The following ZBBX variants were observed in gnomAD, a reference collection of about 807,000 sequenced individuals.
The protein encoded by ZBBX is zinc finger B-box domain containing.
A neutral mutation model predicts 108.5 loss-of-function variants in ZBBX; 101 were observed. The observed-to-expected ratio is 0.93, with a 90% CI of 0.79 to 1.10. ZBBX has a LOEUF of 1.10. Ranked by LOEUF, ZBBX falls within the 50% of genes least tolerant of loss-of-function variation. The pLI is 0.00. For synonymous variants in ZBBX, 356 were observed against 323.4 expected, an observed-to-expected ratio of 1.10 and a Z score of -1.08; for missense variants, 1,009 against 941.4, an observed-to-expected ratio of 1.07 and a Z score of -0.94.
At chr3:167,356,588 G>A (rs1270387083) in intron 8 of ZBBX, among the ~76,000 whole-genome samples, 1 of 152,102 alleles carries the variant, frequency 6.6e-6, no homozygotes. Flanking sequence ...TGATGCTGCA[G>A]TACCTTCAAT....
At chr3:167,202,532 G>T in the ZBBX span, among the ~76,000 whole-genome samples, 1 of 152,054 alleles carries the variant, frequency 6.6e-6, no homozygotes, top group Non-Finnish European at 1.5e-5. Context: ...AAACTAGTAA[G>T]TTTCTGCTAG....
chr3:167,199,616 A>AT, the ZBBX span, among the ~76,000 whole-genome samples: 2 of 152,148 alleles, frequency 1.3e-5, no homozygotes, highest in Non-Finnish European at 2.9e-5. Flanking sequence ...AGACCAGTGG[A>AT]TTTTTGTTTA....
At position 167,300,696 on chromosome 3, in the gene ZBBX, G is replaced by A. The variant is rs532156402; in HGVS notation, c.1726-2238C>T. 7.4e-4 allele frequency among the ~76,000 whole-genome samples: 107 copies of A among 145,396 alleles called. No individual in the cohort carries two copies. In the South Asian group the frequency reaches 0.012, roughly 17 times the overall value. Reference sequence around the variant, plus strand: ...GCGACCTCAGCTCACTATAACCTCCGCCTCCCGGGTTCAATCGATTCTCCT... The same window carrying A: ...GCGACCTCAGCTCACTATAACCTCCACCTCCCGGGTTCAATCGATTCTCCT... On this transcript the variant is annotated intron_variant, in intron 17 of 21. Coordinates refer to ENST00000675490, the MANE Select transcript of ZBBX (RefSeq NM_001199201.2).
At chr3:167,206,258 T>C in the ZBBX span, among the ~76,000 whole-genome samples, 2 of 152,214 alleles carry the variant, frequency 1.3e-5, no homozygotes, top group Admixed American at 1.3e-4. Context: ...GTCTGGATTA[T>C]ATCAGTTAGC....
chr3:167,350,241 C>A lies in ZBBX; in HGVS notation c.528+179G>T, dbSNP rs533256286. Among the ~76,000 whole-genome samples, 8 of 151,978 alleles carry A rather than the reference C, an allele frequency of 5.3e-5. No individual in the cohort carries two copies. In the East Asian group the frequency reaches 1.4e-3, roughly 26 times the overall value. On this transcript the variant is annotated intron_variant, in intron 9 of 21. Coordinates refer to ENST00000675490, the MANE Select transcript of ZBBX (RefSeq NM_001199201.2). ...AACAGTTTAAATAGTAAAATAGAGT[C>A]TAGATTAGTATTCAATAAAATAATT... is the stretch of plus-strand genomic sequence containing the variant.
At chr3:167,313,595 A>G (rs959706162) in intron 16 of ZBBX, among the ~76,000 whole-genome samples, 2 of 151,956 alleles carry the variant, frequency 1.3e-5, no homozygotes, top group Non-Finnish European at 2.9e-5. Flanking sequence ...GATTTGTTTT[A>G]TTTTGGTTCA....
chr3:167,243,933 C>T (rs755314018), intron 20 of ZBBX, among the ~76,000 whole-genome samples: 9 of 151,878 alleles, frequency 5.9e-5, no homozygotes, highest in Non-Finnish European at 1.0e-4. Context: ...TGCATGGGTA[C>T]GTTCAATAAG....
intron 11 of ZBBX, among the ~76,000 whole-genome samples, chr3:167,326,451 T>C (rs764881653): frequency 5.3e-5 from 8 of 152,164 alleles, no homozygotes; most frequent in Non-Finnish European, 1.0e-4. Context: ...TAAGCATTCA[T>C]TATTTTATCA....
At chr3:167,188,471 A>G in the ZBBX span, among the ~76,000 whole-genome samples, 1 of 152,288 alleles carries the variant, frequency 6.6e-6, no homozygotes, top group East Asian at 1.9e-4. Context: ...ATAGGCTATG[A>G]TGTCTAAAAT....
At chr3:167,296,371 A>G (rs1057211946) in intron 18 of ZBBX, among the ~76,000 whole-genome samples, 1 of 152,078 alleles carries the variant, frequency 6.6e-6, no homozygotes, top group African/African-American at 2.4e-5. Flanking sequence ...ACTTCTATTC[A>G]ATATAAGTAG....
At chr3:167,383,072 TAAAG>T (rs1577141074), upstream of ZBBX, among the ~76,000 whole-genome samples, 1 of 152,154 alleles carries the variant, frequency 6.6e-6, no homozygotes, top group East Asian at 1.9e-4. Context: ...ATTCTCTACT[TAAAG>T]AATATCTTGT....
the ZBBX span, among the ~76,000 whole-genome samples, chr3:167,210,356 C>A: frequency 6.6e-6 from 1 of 151,890 alleles, no homozygotes; most frequent in African/African-American, 2.4e-5. Flanking sequence ...AAGACACCAT[C>A]AGAGTAGACA....
intron 12 of ZBBX, among the ~76,000 whole-genome samples, chr3:167,320,299 G>A (rs1052415620): frequency 5.4e-5 from 8 of 147,130 alleles, no homozygotes; most frequent in East Asian, 4.0e-4. Context: ...GAGTCAACCC[G>A]ACAGAGTCCA....
the ZBBX span, among the ~76,000 whole-genome samples, chr3:167,191,287 T>G: frequency 1.3e-5 from 2 of 152,300 alleles, no homozygotes. Context: ...AGAGCCTCCA[T>G]GAGCTTTGCC....
At chr3:167,190,504 C>A in the ZBBX span, among the ~76,000 whole-genome samples, 2 of 151,922 alleles carry the variant, frequency 1.3e-5, no homozygotes, top group Admixed American at 1.3e-4. Context: ...CCTCATTCTC[C>A]CGACTAGCTG....
At chr3:167,258,164 C>A (rs565297817) in intron 20 of ZBBX, among the ~76,000 whole-genome samples, 2 of 151,948 alleles carry the variant, frequency 1.3e-5, no homozygotes, top group Non-Finnish European at 2.9e-5. Flanking sequence ...GGCATGGATG[C>A]GTTGAACAGG....
At chr3:167,297,106 A>T (rs1731815859) in intron 18 of ZBBX, among the ~76,000 whole-genome samples, 1 of 152,040 alleles carries the variant, frequency 6.6e-6, no homozygotes. Context: ...ATGATTTTTT[A>T]AAAAGTATCC....
intron 20 of ZBBX, among the ~76,000 whole-genome samples, chr3:167,276,907 T>C (rs1158526635): frequency 1.3e-5 from 2 of 151,638 alleles, no homozygotes; most frequent in African/African-American, 4.8e-5. Flanking sequence ...CGGTAGAAAC[T>C]CTACAAGCCA....
downstream of ZBBX, among the ~76,000 whole-genome samples, chr3:167,237,253 T>C (rs1418624273): frequency 6.6e-6 from 1 of 151,870 alleles, no homozygotes; most frequent in African/African-American, 2.4e-5. Context: ...ATTACTTCAA[T>C]GAATATAAAA....
Sources: gnomAD v4.1 joint callset for allele counts (sites outside exome capture counted in the v4.1 genomes callset) on GRCh38, gnomAD v4.1.1 for gene constraint, MANE v1.5 for transcripts, NCBI Gene and HGNC (gene_info 2026-07-23, HGNC 2026-07-21) for gene names.